Variants in NDUFB4 observed in about 807,000 individuals in gnomAD.
NDUFB4 encodes the protein NADH:ubiquinone oxidoreductase subunit B4, also known as NADH dehydrogenase [ubiquinone] 1 beta subcomplex subunit 4.
A neutral mutation model predicts 14.5 loss-of-function variants in NDUFB4; 10 were observed. That is an observed-to-expected ratio of 0.69 (90% CI 0.43 to 1.17). NDUFB4 has a LOEUF of 1.17. Among genes scored for constraint, NDUFB4 ranks in the 50% most tolerant of loss-of-function variants. The probability of loss-of-function intolerance (pLI) is 0.00; values close to 1 mark genes in which losing one functional copy is unlikely to be tolerated. For synonymous variants in NDUFB4, 65 were observed against 63.4 expected, an observed-to-expected ratio of 1.03 and a Z score of -0.12; for missense variants, 165 against 161.1, an observed-to-expected ratio of 1.02 and a Z score of -0.13.
rs1453816545 is a variant in NDUFB4 at position 120,601,244 on chromosome 3, T to C, written c.314T>C (p.Ile105Thr). 15 of 1,614,028 alleles carry C rather than the reference T, an allele frequency of 9.3e-6. No homozygotes were observed. The highest frequency in any genetic ancestry group is 4.2e-6 in the Non-Finnish European group (5 of 1,180,022). The change falls in exon 2 of 3, where the codon ATC becomes ACC. Residue 105 changes from isoleucine to threonine, a missense_variant. By Grantham distance (89) the Ile-to-Thr change is moderately conservative. Coordinates refer to ENST00000184266, the MANE Select transcript of NDUFB4 (RefSeq NM_004547.6). Reference sequence around the variant, plus strand: ...CCCCTCATCTTCATTTATTATATTATCAAAACTGAGAGGGTAAGTATTCAG... The same window carrying C: ...CCCCTCATCTTCATTTATTATATTACCAAAACTGAGAGGGTAAGTATTCAG... ...FGPLIFIYYIIKTERDRKEKL... is the reference protein window; with the variant it reads ...FGPLIFIYYITKTERDRKEKL...
intron 1 of NDUFB4, among the ~76,000 whole-genome samples, chr3:120,600,413 T>G (rs151130923): frequency 0.01 from 1,571 of 152,292 alleles, 27 homozygotes; most frequent in African/African-American, 0.036. Context: ...TTGCTATTCA[T>G]GGATAGTTAT....
chr3:120,602,345 C>A lies in NDUFB4; in HGVS notation c.*75C>A. On this transcript the variant is annotated 3_prime_UTR_variant, in exon 3 of 3. Coordinates refer to ENST00000184266, the MANE Select transcript of NDUFB4 (RefSeq NM_004547.6). ...AATCATTAAGTAGTAGTTTCTCTTT[C>A]TTAGTATTACCTTGATTCAATGTTA... 2 of 1,359,132 alleles carry A rather than the reference C, an allele frequency of 1.5e-6. No homozygotes were observed. Among genetic ancestry groups the A allele is most frequent in the South Asian group, 1.3e-5 (1 of 79,414 alleles). 84.2% of individuals were successfully genotyped at this position (1,359,132 alleles called of 1,614,324 possible).
intron 1 of NDUFB4, among the ~76,000 whole-genome samples, chr3:120,596,977 C>A (rs578207227): frequency 1.4e-5 from 2 of 138,012 alleles, no homozygotes; most frequent in African/African-American, 5.2e-5. Flanking sequence ...TATATATATT[C>A]TATATATATG....
chr3:120,597,977 C>T lies in NDUFB4; in HGVS notation c.180+1438C>T, dbSNP rs142821054. Among the ~76,000 whole-genome samples the T allele has an allele frequency of 3.4e-3, 521 of 151,796 alleles. 2 individuals carry two copies. The highest frequency in any genetic ancestry group is 0.012 in the African/African-American group (482 of 41,380). On this transcript the variant is annotated intron_variant, in intron 1 of 2. Transcript: ENST00000184266. ...TAAATAGAGGTAATACTACCAGTCTCTTTGGTTCTGTTGATTAAATGAGTG... is the reference window on the plus strand; with the variant it reads ...TAAATAGAGGTAATACTACCAGTCTTTTTGGTTCTGTTGATTAAATGAGTG...
intron 2 of NDUFB4, chr3:120,601,538 T>G (rs1355216499): frequency 7.9e-7 from 1 of 1,263,696 alleles, no homozygotes; most frequent in East Asian, 3.6e-5. Context: ...ATTTAGTACG[T>G]TTCCTGTTTG....
At chr3:120,597,166 T>G (rs974585791) in intron 1 of NDUFB4, among the ~76,000 whole-genome samples, 7 of 151,632 alleles carry the variant, frequency 4.6e-5, no homozygotes, top group Non-Finnish European at 1.0e-4. Context: ...CAGTGATTCC[T>G]TCAACCTGCA....
In NDUFB4 at chr3:120,602,321, A is replaced by G; in HGVS notation, c.*51A>G. On this transcript the variant is annotated 3_prime_UTR_variant, in exon 3 of 3. Transcript: ENST00000184266. ...TCCTGCCTAAATAAATCATCTATTA[A>G]TCATTAAGTAGTAGTTTCTCTTTCT... is the stretch of plus-strand genomic sequence containing the variant. The G allele has an allele frequency of 6.8e-7, 1 of 1,472,112 alleles. No individual in the cohort carries two copies. The highest frequency in any genetic ancestry group is 9.4e-7 in the Non-Finnish European group (1 of 1,067,862). The allele number at this position is 1,472,112 out of a possible 1,614,324, so 91.2% of individuals were successfully genotyped here.
rs147587758 is a variant in NDUFB4 at position 120,596,397 on chromosome 3, C to G, written c.38C>G (p.Thr13Ser). ...AAGTATAAGCCGTCGAGCCTGCGCA[C>G]TCTGCCTGAGACCCTCGACCCAGCC... Reference protein sequence around the residue: ...FPKYKPSSLRTLPETLDPAEY... With the variant: ...FPKYKPSSLRSLPETLDPAEY... Residue 13 changes from threonine (T) to serine (S), a missense_variant, in exon 1 of 3, where the codon ACT becomes AGT. By Grantham distance (58) the Thr-to-Ser change is moderately conservative. Coordinates refer to ENST00000184266, the MANE Select transcript of NDUFB4 (RefSeq NM_004547.6). The G allele has an allele frequency of 8.1e-6, 13 of 1,614,104 alleles. No homozygotes were observed. In the African/African-American group the frequency reaches 1.5e-4, roughly 18 times the overall value.
chr3:120,601,580 C>G, intron 2 of NDUFB4: 1 of 1,166,968 alleles, frequency 8.6e-7, no homozygotes, highest in Non-Finnish European at 1.1e-6. Flanking sequence ...TCACATTTTG[C>G]AAATTAATGT....
At chr3:120,600,854 G>C in intron 1 of NDUFB4, 1 of 429,014 alleles carries the variant, frequency 2.3e-6, no homozygotes, top group Non-Finnish European at 4.1e-6. Flanking sequence ...ATTAAGATTA[G>C]GATTCTTAAA....
At chr3:120,599,654 C>A (rs545175750) in intron 1 of NDUFB4, among the ~76,000 whole-genome samples, 7 of 152,036 alleles carry the variant, frequency 4.6e-5, no homozygotes, top group Non-Finnish European at 1.0e-4. Context: ...TGGAACCTCT[C>A]AATAACATTA....
intron 1 of NDUFB4, among the ~76,000 whole-genome samples, chr3:120,597,435 T>C (rs1049631033): frequency 6.6e-6 from 1 of 152,268 alleles, no homozygotes; most frequent in Admixed American, 6.5e-5. Flanking sequence ...AGGAACTAAG[T>C]AGGTTAAATA....
intron 1 of NDUFB4, among the ~76,000 whole-genome samples, chr3:120,597,071 T>A (rs984349955): frequency 1.4e-5 from 2 of 146,840 alleles, no homozygotes; most frequent in Non-Finnish European, 3.0e-5. Context: ...CATATATATT[T>A]TATATATATA....
intron 2 of NDUFB4, chr3:120,601,986 C>T: frequency 1.6e-6 from 2 of 1,281,490 alleles, no homozygotes; most frequent in South Asian, 2.5e-5. Context: ...CATTTTCTTA[C>T]TGTGTCTTTA....
intron 1 of NDUFB4, among the ~76,000 whole-genome samples, chr3:120,597,353 T>A (rs1432093860): frequency 1.3e-5 from 2 of 152,162 alleles, no homozygotes; most frequent in Non-Finnish European, 2.9e-5. Context: ...CTGTGTAACA[T>A]TCGCAGCACA....
At chr3:120,602,046 G>A in intron 2 of NDUFB4, 162 bp from the exon 3 acceptor site, 1 of 1,431,764 alleles carries the variant, frequency 7.0e-7, no homozygotes, top group Non-Finnish European at 9.1e-7. Flanking sequence ...TTAGACAGTG[G>A]GATTGCAATT....
chr3:120,601,413 TC>T, intron 2 of NDUFB4, 156 bp downstream of exon 2: 5 of 1,473,012 alleles, frequency 3.4e-6, no homozygotes, highest in Non-Finnish European at 4.5e-6. Flanking sequence ...TTTATTCCTT[TC>T]CAGCAGGAGT....
At chr3:120,602,037 T>TAA in intron 2 of NDUFB4, 171 bp from the exon 3 acceptor site, 1 of 1,421,432 alleles carries the variant, frequency 7.0e-7, no homozygotes, top group Non-Finnish European at 9.1e-7. Flanking sequence ...CCCTGGGCTT[T>TAA]AGACAGTGGG....
intron 2 of NDUFB4, 67 bp downstream of exon 2, chr3:120,601,324 T>C: frequency 6.3e-7 from 1 of 1,598,708 alleles, no homozygotes. Context: ...CAGCTGCAGC[T>C]CCTTCTCTTG....
Sources: allele counts gnomAD v4.1 joint callset (sites outside exome capture counted in the v4.1 genomes callset), GRCh38; gene constraint gnomAD v4.1.1; transcripts MANE v1.5; gene names NCBI Gene and HGNC (gene_info 2026-07-23, HGNC 2026-07-21).